The following SYT12 variants were observed in gnomAD, a reference collection of about 807,000 sequenced individuals.
SYT12 encodes synaptotagmin 12, also known as synaptotagmin-12.
A neutral mutation model predicts 39.5 loss-of-function variants in SYT12; 27 were observed. That is an observed-to-expected ratio of 0.68 (90% CI 0.50 to 0.94). The LOEUF is 0.94. Among genes scored for constraint, SYT12 ranks in the 40% least tolerant of loss-of-function variants. SYT12 has a pLI of 0.00. For missense variants in SYT12, 536 were observed against 572.6 expected (o/e 0.94, Z 0.65); for synonymous variants, 233 against 239.7 (o/e 0.97, Z 0.26).
intron 1 of SYT12, among the ~76,000 whole-genome samples, chr11:67,024,401 C>T (rs1950153701): frequency 6.6e-6 from 1 of 152,244 alleles, no homozygotes; most frequent in Non-Finnish European, 1.5e-5. Context: ...AGCCTCCCTA[C>T]TCTGAAGTCT....
At chr11:67,034,243 A>G (rs577793977) in intron 2 of SYT12, among the ~76,000 whole-genome samples, 2 of 152,314 alleles carry the variant, frequency 1.3e-5, no homozygotes, top group Admixed American at 1.3e-4. Context: ...ACTGGTGTCA[A>G]TTCTGTCTAC....
At chr11:67,025,509 C>G (rs759267084) in intron 1 of SYT12, among the ~76,000 whole-genome samples, 1 of 152,040 alleles carries the variant, frequency 6.6e-6, no homozygotes, top group African/African-American at 2.4e-5. Flanking sequence ...GTCTGGACAC[C>G]GGGGATGCTC....
rs1490548553 is a variant in SYT12, at chr11:67,045,887, G to A, written c.1092+10G>A. 1.2e-6 allele frequency: 2 copies of A among 1,613,964 alleles called. No individual in the cohort carries two copies. Among genetic ancestry groups the A allele is most frequent in the Non-Finnish European group, 1.7e-6 (2 of 1,179,928 alleles). ...AGCCATTGTGCTCCAGGTGAGGGGG[G>A]CTGGGGGATGGGAAGGGGCCAGGTC... On this transcript the variant is annotated intron_variant, in intron 7 of 7. Coordinates refer to ENST00000527043, the MANE Select transcript of SYT12 (RefSeq NM_177963.4).
Position 67,011,602 on chromosome 11 carries a change from C to G in SYT12, c.-69+608C>G, listed in dbSNP as rs1484243190. ...CCCCAGATGGCAGGCATTGCCGGCT[C>G]TTTCCACACTGGGTCTGAGGCAGTA... On this transcript the variant is annotated intron_variant, in intron 3 of 10. Transcript: ENST00000393946. Among the ~76,000 whole-genome samples, 3 of 152,276 alleles carry G rather than the reference C, an allele frequency of 2.0e-5. No individual in the cohort carries two copies. The East Asian group carries it at 5.8e-4, about 29-fold the overall frequency.
At chr11:67,008,516 GT>G (rs1949988588) in intron 1 of SYT12, among the ~76,000 whole-genome samples, 1 of 151,838 alleles carries the variant, frequency 6.6e-6, no homozygotes, top group Non-Finnish European at 1.5e-5. Flanking sequence ...GGCCTCCAGA[GT>G]ATCTAGGACT....
At chr11:67,021,542 A>C (rs1017806120), upstream of SYT12, among the ~76,000 whole-genome samples, 2 of 151,886 alleles carry the variant, frequency 1.3e-5, no homozygotes, top group African/African-American at 4.8e-5. Flanking sequence ...CAGCCTCCTA[A>C]AGTGCTGGGA....
In SYT12 at chr11:67,048,573, C is replaced by T. The variant is rs1226468626; in HGVS notation, c.1093-11C>T. 1.9e-6 allele frequency: 3 copies of T among 1,589,164 alleles called. No individual in the cohort carries two copies. The highest frequency in any genetic ancestry group is 1.1e-5 in the South Asian group (1 of 90,604). The stretch of plus-strand genomic sequence containing the variant: ...CCCTGGTCCTCAGCACCCATGTTGC[C>T]TCTTCCTCAGGACCTGTCTCTCCGC... On this transcript the variant is annotated splice_polypyrimidine_tract_variant and intron_variant, in intron 7 of 7. Coordinates refer to ENST00000527043, the MANE Select transcript of SYT12 (RefSeq NM_177963.4).
chr11:67,018,843 A>AACAAAAGT (rs1200364840), upstream of SYT12, among the ~76,000 whole-genome samples: 1 of 152,004 alleles, frequency 6.6e-6, no homozygotes. Context: ...AGAAAAAGAA[A>AACAAAAGT]ACAAAAGTGC....
At chr11:67,030,227 A>C in intron 2 of SYT12, 49 bp downstream of exon 2, 1 of 1,603,690 alleles carries the variant, frequency 6.2e-7, no homozygotes. Flanking sequence ...CGAGACCCTT[A>C]CACCAGGCCT....
intron 3 of SYT12, among the ~76,000 whole-genome samples, chr11:67,017,965 A>G (rs1451272632): frequency 6.7e-6 from 1 of 150,358 alleles, no homozygotes; most frequent in African/African-American, 2.5e-5. Context: ...CATATCAAAG[A>G]AAAAAAATTT....
intron 1 of SYT12, among the ~76,000 whole-genome samples, chr11:67,024,064 T>C (rs1285265014): frequency 6.8e-6 from 1 of 147,216 alleles, no homozygotes; most frequent in Non-Finnish European, 1.5e-5. Flanking sequence ...GCCTCAAGGC[T>C]GTAGATTTGG....
Position 67,043,683 on chromosome 11 carries a change from A to G in SYT12, c.667A>G (p.Ile223Val), listed in dbSNP as rs908579542. ...CATCTTCTTTGATGAGAAGTTCTCC[A>G]TCCCCCTGGATCCCACAGCCCTGGA... ...YSIFFDEKFS[I>V]PLDPTALEEK... is the part of the protein sequence containing the mutation. The change falls in exon 5 of 8, where the codon ATC becomes GTC. Residue 223 changes from isoleucine (I) to valine (V), a missense_variant. Ile to Val is a conservative substitution (Grantham distance 29). Coordinates refer to ENST00000527043, the MANE Select transcript of SYT12 (RefSeq NM_177963.4). The G allele has an allele frequency of 1.2e-6, 2 of 1,614,064 alleles. No homozygotes were observed. The highest frequency in any genetic ancestry group is 1.7e-6 in the Non-Finnish European group (2 of 1,180,024).
intron 1 of SYT12, among the ~76,000 whole-genome samples, chr11:67,024,988 G>T (rs1222550892): frequency 6.6e-6 from 1 of 152,196 alleles, no homozygotes; most frequent in Non-Finnish European, 1.5e-5. Flanking sequence ...CCTCTGCCAT[G>T]GTCTGATTCC....
At chr11:67,035,842 CTTTCTTTCTTTCTTT>C (rs1950365462) in intron 3 of SYT12, among the ~76,000 whole-genome samples, 4 of 93,968 alleles carry the variant, frequency 4.3e-5, no homozygotes, top group Admixed American at 1.1e-4. Flanking sequence ...TCCTTCCTTT[CTTTCTTTCTTTCTTT>C]CTTTCTTTCT....
chr11:67,022,096 A>G (rs1442669658), upstream of SYT12, among the ~76,000 whole-genome samples: 4 of 151,478 alleles, frequency 2.6e-5, no homozygotes, highest in Admixed American at 1.3e-4. Flanking sequence ...TTGTATTTTT[A>G]GTAGAGACGG....
intron 4 of SYT12, among the ~76,000 whole-genome samples, chr11:67,042,907 G>C (rs1950540298): frequency 6.6e-6 from 1 of 152,190 alleles, no homozygotes; most frequent in African/African-American, 2.4e-5. Context: ...GGGAAGGCAA[G>C]CTTCCCAGCT....
intron 3 of SYT12, chr11:67,011,011 A>G (rs1950009525): frequency 1.3e-5 from 2 of 152,190 alleles, no homozygotes; most frequent in South Asian, 4.1e-4. Flanking sequence ...AGAATTCTTT[A>G]TCACACTATA....
In SYT12 at chr11:67,035,613, A is replaced by C. The variant is rs536018836; in HGVS notation, c.228+775A>C. ...GCTGGGACTACAGGCACCCGCCACC[A>C]TGCCCAGCTAATTTTTTGTATTTTT... is the stretch of plus-strand genomic sequence containing the variant. On this transcript the variant is annotated intron_variant, in intron 3 of 7. Coordinates refer to ENST00000527043, the MANE Select transcript of SYT12 (RefSeq NM_177963.4). 3.3e-5 allele frequency among the ~76,000 whole-genome samples: 5 copies of C among 149,898 alleles called. No individual in the cohort carries two copies. In the South Asian group the frequency reaches 1.1e-3, roughly 32 times the overall value.
chr11:67,007,998 G>T (rs1949984708), intron 1 of SYT12, among the ~76,000 whole-genome samples: 1 of 149,692 alleles, frequency 6.7e-6, no homozygotes, highest in Non-Finnish European at 1.5e-5. Flanking sequence ...CTGTCACCCA[G>T]GCTGGAGTGC....
Sources: allele counts gnomAD v4.1 joint callset (sites outside exome capture counted in the v4.1 genomes callset), GRCh38; gene constraint gnomAD v4.1.1; transcripts MANE v1.5; gene names NCBI Gene and HGNC (gene_info 2026-07-23, HGNC 2026-07-21).